HEATR1: variants seen among roughly 807,000 people sequenced by gnomAD.
HEATR1 encodes HEAT repeat-containing protein 1.
In HEATR1, 77 loss-of-function variants were observed where a neutral mutation model predicts 248.2. That is an observed-to-expected ratio of 0.31 (90% CI 0.26 to 0.37). The LOEUF (loss-of-function observed/expected upper bound fraction) is 0.37. HEATR1 is among the 10% of genes least tolerant of loss of function. The probability of loss-of-function intolerance (pLI) is 1.00; values close to 1 mark genes in which losing one functional copy is unlikely to be tolerated. For synonymous variants in HEATR1, 897 were observed against 923.1 expected, an observed-to-expected ratio of 0.97 and a Z score of 0.51; for missense variants, 2,420 against 2,504.9, an observed-to-expected ratio of 0.97 and a Z score of 0.72.
At chr1:236,552,326 C>T (rs1662787723) in intron 43 of HEATR1, 2 of 348,954 alleles carry the variant, frequency 5.7e-6, no homozygotes, top group Admixed American at 9.4e-5. Flanking sequence ...GTTTTCCAAA[C>T]TGTGTCCCAG....
intron 3 of HEATR1, among the ~76,000 whole-genome samples, chr1:236,601,956 C>G (rs941595868): frequency 1.5e-5 from 2 of 134,536 alleles, no homozygotes; most frequent in African/African-American, 5.3e-5. Context: ...GTGATGAAAC[C>G]CCATCTTTAC....
At chr1:236,575,030 A>C in intron 22 of HEATR1, 127 bp from the exon 23 acceptor site, 1 of 812,004 alleles carries the variant, frequency 1.2e-6, no homozygotes, top group South Asian at 1.9e-5. Context: ...CAATGATGGT[A>C]ACTTCTTAGA....
rs748629559 is a variant in HEATR1, at chr1:236,576,777, T to C, written c.2925+3A>G. ...ACTCAATCTTCTTTGCTAACGAGCT[T>C]ACCTGAATAACATAGGCAGCATCTG... On this transcript the variant is annotated splice_donor_region_variant and intron_variant, in intron 21 of 44. Transcript: ENST00000366582. The C allele has an allele frequency of 1.2e-6, 2 of 1,607,452 alleles. No homozygotes were observed. The highest frequency in any genetic ancestry group is 2.2e-5 in the South Asian group (2 of 89,622).
intron 20 of HEATR1, among the ~76,000 whole-genome samples, chr1:236,579,062 A>G (rs765801741): frequency 3.9e-5 from 6 of 152,236 alleles, no homozygotes; most frequent in Non-Finnish European, 8.8e-5. Context: ...AAAGCTTGAC[A>G]AGGTTTCAAA....
chr1:236,555,194 A>T, intron 41 of HEATR1, 102 bp downstream of exon 41: 1 of 1,214,682 alleles, frequency 8.2e-7, no homozygotes, highest in Non-Finnish European at 1.2e-6. Flanking sequence ...AGGACTTAAG[A>T]ACCTCTAAAA....
At chr1:236,574,462 C>CT in intron 23 of HEATR1, 129 bp from the exon 24 acceptor site, 1 of 1,254,132 alleles carries the variant, frequency 8.0e-7, no homozygotes, top group Non-Finnish European at 1.1e-6. Context: ...AAATGCAATT[C>CT]TTTTTAATGA....
intron 25 of HEATR1, 32 bp downstream of exon 25, chr1:236,572,693 C>A: frequency 6.2e-7 from 1 of 1,600,660 alleles, no homozygotes; most frequent in Admixed American, 1.7e-5. Context: ...CAGGGAACAA[C>A]AGCATGTGCT....
intron 12 of HEATR1, 45 bp from the exon 13 acceptor site, chr1:236,588,088 C>T (rs1572049412): frequency 6.9e-7 from 1 of 1,441,092 alleles, no homozygotes; most frequent in East Asian, 2.3e-5. Flanking sequence ...TGCCAAAAAT[C>T]TCTTAAGGCT....
chr1:236,568,173 T>A (rs1417611996), intron 29 of HEATR1, among the ~76,000 whole-genome samples: 1 of 152,254 alleles, frequency 6.6e-6, no homozygotes, highest in Non-Finnish European at 1.5e-5. Flanking sequence ...CAAATTCTAT[T>A]TCTTATAGAA....
In HEATR1 at chr1:236,559,067, T is replaced by C; in HGVS notation, c.4839A>G (p.Pro1613=). The C allele has an allele frequency of 6.2e-7, 1 of 1,613,278 alleles. No individual in the cohort carries two copies. ...VIRGLVGNPL[P]SVRRKALDLL... Reference sequence around the variant, plus strand: ...GGTCCAGCGCTTTGCGGCGAACAGATGGCAGGGGATTGCCCACCAGCCCTC... The same window carrying C: ...GGTCCAGCGCTTTGCGGCGAACAGACGGCAGGGGATTGCCCACCAGCCCTC... The change falls in exon 35 of 45, where the codon CCA becomes CCG. Residue 1613 remains proline, a synonymous_variant. Transcript: ENST00000366582.
At chr1:236,551,760 C>T (rs755410907) in intron 44 of HEATR1, 32 of 436,038 alleles carry the variant, frequency 7.3e-5, no homozygotes, top group African/African-American at 2.2e-4. Context: ...GTGAAGATTA[C>T]ACTGTAAACG....
Position 236,550,369 on chromosome 1 carries a change from C to CTCTT in HEATR1, c.*529_*532dup, listed in dbSNP as rs988503761. 1 of 152,270 alleles carries CTCTT rather than the reference C, an allele frequency of 6.6e-6. No individual in the cohort carries two copies. The highest frequency in any genetic ancestry group is 2.4e-5 in the African/African-American group (1 of 41,450). 9.4% of individuals were successfully genotyped at this position (152,270 alleles called of 1,614,324 possible). A position where few individuals can be genotyped will look rare whatever the true frequency, so the allele number is the denominator to read the frequency against. On this transcript the variant is annotated 3_prime_UTR_variant, in exon 45 of 45. Coordinates refer to ENST00000366582, the MANE Select transcript of HEATR1 (RefSeq NM_018072.6). Reference sequence around the variant, plus strand: ...TAAAAAAAGCATTCCAGAACCACTTCTCTTTATGGGCACAACAAAGAAACG... The same window carrying CTCTT: ...TAAAAAAAGCATTCCAGAACCACTTCTCTTTCTTTATGGGCACAACAAAGAAACG...
chr1:236,590,349 T>C (rs995784627), intron 12 of HEATR1, among the ~76,000 whole-genome samples: 55 of 152,078 alleles, frequency 3.6e-4, no homozygotes, highest in African/African-American at 1.3e-3. Context: ...TACCTCAGCC[T>C]CTCAAGTAGC....
chr1:236,568,982 TAA>T lies in HEATR1; in HGVS notation c.4077+12_4077+13del. 2 of 1,525,964 alleles carry T rather than the reference TAA, an allele frequency of 1.3e-6. No homozygotes were observed. Among genetic ancestry groups the T allele is most frequent in the East Asian group, 4.8e-5 (2 of 41,602 alleles). The allele number at this position is 1,525,964 out of a possible 1,614,324, so 94.5% of individuals were successfully genotyped here. A position where few individuals can be genotyped will look rare whatever the true frequency, so the allele number is the denominator to read the frequency against. On this transcript the variant is annotated intron_variant, in intron 29 of 44. Transcript: ENST00000366582. ...TAAAAAAAGAAACCCCACGATGGTA[TAA>T]AGAGACCTTACCTGAATAAGTGCGG...
intron 42 of HEATR1, 88 bp from the exon 43 acceptor site, chr1:236,553,827 A>G (rs1386760043): frequency 7.3e-7 from 1 of 1,367,402 alleles, no homozygotes; most frequent in Non-Finnish European, 1.0e-6. Flanking sequence ...ATATTTTACT[A>G]TCTTTCATGA....
chr1:236,589,680 G>A (rs573313268), intron 12 of HEATR1, among the ~76,000 whole-genome samples: 9 of 152,248 alleles, frequency 5.9e-5, no homozygotes, highest in South Asian at 4.1e-4. Flanking sequence ...AGTTCGGCAC[G>A]TTTACACTGC....
Position 236,588,049 on chromosome 1 carries a change from C to A in HEATR1, c.1531-6G>T. On this transcript the variant is annotated splice_polypyrimidine_tract_variant and splice_region_variant and intron_variant, in intron 12 of 44. Transcript: ENST00000366582. ...AAAGATTCATCAACACCCTCCTGAG[C>A]AATAAAAGAAAAACATTAATTTAGC... 1.2e-6 allele frequency: 2 copies of A among 1,600,650 alleles called. No homozygotes were observed. Among genetic ancestry groups the A allele is most frequent in the Non-Finnish European group, 1.7e-6 (2 of 1,173,000 alleles).
chr1:236,580,877 T>C (rs1572044738), intron 20 of HEATR1, among the ~76,000 whole-genome samples: 1 of 146,390 alleles, frequency 6.8e-6, no homozygotes, highest in African/African-American at 2.5e-5. Flanking sequence ...TGGAGTGCAG[T>C]GGCACAATCT....
chr1:236,587,870 T>A, intron 13 of HEATR1, 78 bp downstream of exon 13: 1 of 976,626 alleles, frequency 1.0e-6, no homozygotes, highest in Middle Eastern at 2.3e-4. Context: ...AATATTCTAG[T>A]CTCAAGCAGA....
Sources: allele counts gnomAD v4.1 joint callset (sites outside exome capture counted in the v4.1 genomes callset), GRCh38; gene constraint gnomAD v4.1.1; transcripts MANE v1.5; gene names NCBI Gene and HGNC (gene_info 2026-07-23, HGNC 2026-07-21).